KNL1: variants seen among roughly 807,000 people sequenced by gnomAD.
The protein encoded by KNL1 is outer kinetochore KNL1 complex subunit KNL1.
KNL1 carries 66 observed loss-of-function variants against 201.3 expected under a neutral mutation model. That is an observed-to-expected ratio of 0.33 (90% CI 0.27 to 0.40). KNL1 has a LOEUF of 0.40. KNL1 is among the 10% of genes least tolerant of loss of function. The pLI is 1.00. For synonymous variants in KNL1, 895 were observed against 899.2 expected (o/e 1.00, Z 0.08); for missense variants, 2,815 against 2,690.5 (o/e 1.05, Z -1.02).
chr15:40,649,812 TG>T lies in KNL1; in HGVS notation c.6095-488del, dbSNP rs960923649. On this transcript the variant is annotated intron_variant, in intron 17 of 25. Coordinates refer to ENST00000399668, the MANE Select transcript of KNL1 (RefSeq NM_144508.5). ...GCTACTACATACTACGTTCTCTTTC[TG>T]TTTTTCACCAAAGAAAGTAGTCTCT... Among the ~76,000 whole-genome samples the T allele has an allele frequency of 1.6e-4, 25 of 152,358 alleles. 2 individuals carry two copies. The East Asian group carries it at 1.9e-3, about 12-fold the overall frequency.
rs772991576 is a variant in KNL1, at chr15:40,623,101, T to C, written c.2837T>C (p.Val946Ala). The C allele has an allele frequency of 1.2e-6, 2 of 1,613,854 alleles. No individual in the cohort carries two copies. Among genetic ancestry groups the C allele is most frequent in the East Asian group, 2.2e-5 (1 of 44,868 alleles). The part of the protein sequence containing the change: ...TRPMDKTVVF[V>A]DNHVELEMTE... ...CCTATGGACAAAACTGTAGTGTTTG[T>C]AGATAATCATGTTGAACTAGAAATG... The change falls in exon 10 of 26, where the codon GTA becomes GCA. Residue 946 changes from valine (V) to alanine (A), a missense_variant. By Grantham distance (64) the Val-to-Ala change is moderately conservative (BLOSUM62 0). Coordinates refer to ENST00000399668, the MANE Select transcript of KNL1 (RefSeq NM_144508.5).
chr15:40,635,801 C>G (rs141975543), intron 13 of KNL1, among the ~76,000 whole-genome samples: 27 of 152,322 alleles, frequency 1.8e-4, no homozygotes, highest in African/African-American at 6.0e-4. Context: ...CCCCTGCATG[C>G]TCATGTAGTG....
intron 13 of KNL1, among the ~76,000 whole-genome samples, chr15:40,630,467 C>T (rs1231746526): frequency 6.6e-6 from 1 of 152,110 alleles, no homozygotes; most frequent in Non-Finnish European, 1.5e-5. Flanking sequence ...ATCCCCAACC[C>T]CTGGGGTTAG....
At chr15:40,635,866 T>C (rs1308078964) in intron 13 of KNL1, among the ~76,000 whole-genome samples, 3 of 152,106 alleles carry the variant, frequency 2.0e-5, no homozygotes, top group Non-Finnish European at 4.4e-5. Flanking sequence ...GGATCTGTTT[T>C]TGTTTTTTGT....
Position 40,622,761 on chromosome 15 carries a change from G to C in KNL1, c.2497G>C (p.Val833Leu). 6.2e-7 allele frequency: 1 copy of C among 1,610,308 alleles called. No homozygotes were observed. The highest frequency in any genetic ancestry group is 8.5e-7 in the Non-Finnish European group (1 of 1,178,582). Reference sequence around the variant, plus strand: ...TATGGATGTGTTAGAGGACGAAAGTGTACAGAAACCTAAATTTCCAAAGGA... The same window carrying C: ...TATGGATGTGTTAGAGGACGAAAGTCTACAGAAACCTAAATTTCCAAAGGA... ...CIMDVLEDES[V>L]QKPKFPKEKQ... is the part of the protein sequence containing the mutation. The change falls in exon 10 of 26, where the codon GTA (valine) becomes CTA (leucine). Residue 833 changes from valine to leucine, a missense_variant. Transcript: ENST00000399668.
At chr15:40,618,917 T>G (rs777717054) in intron 8 of KNL1, 42 bp from the exon 9 acceptor site, 12 of 1,297,798 alleles carry the variant, frequency 9.2e-6, no homozygotes, top group Non-Finnish European at 7.8e-6. Flanking sequence ...TCAGGCTCAG[T>G]GTTATATTTT....
At chr15:40,611,256 A>C (rs1271514722) in intron 6 of KNL1, among the ~76,000 whole-genome samples, 1 of 150,922 alleles carries the variant, frequency 6.6e-6, no homozygotes, top group South Asian at 2.1e-4. Context: ...TTACATGTGC[A>C]CGCCACCACA....
At chr15:40,638,611 C>A (rs1468375165) in intron 13 of KNL1, among the ~76,000 whole-genome samples, 1 of 151,788 alleles carries the variant, frequency 6.6e-6, no homozygotes, top group Non-Finnish European at 1.5e-5. Context: ...CTCGCCTCAG[C>A]CCCCCAAGTA....
intron 7 of KNL1, among the ~76,000 whole-genome samples, chr15:40,613,330 A>G (rs1403184994): frequency 2.0e-5 from 3 of 152,200 alleles, no homozygotes; most frequent in Non-Finnish European, 2.9e-5. Flanking sequence ...ATATATATGC[A>G]TAATATCTCT....
rs750756074 is a variant in KNL1 at position 40,622,169 on chromosome 15, C to T, written c.1905C>T (p.Thr635=). The change falls in exon 10 of 26, where the codon ACC becomes ACT. Residue 635 remains threonine, a synonymous_variant. Transcript: ENST00000399668. ...RSDIIAKNSL[T]DTWNKDKDWV... Reference sequence around the variant, plus strand: ...ACATAATAGCCAAAAACAGCTTAACCGACACCTGGAACAAAGACAAAGATT... The same window carrying T: ...ACATAATAGCCAAAAACAGCTTAACTGACACCTGGAACAAAGACAAAGATT... The T allele has an allele frequency of 1.2e-5, 20 of 1,614,052 alleles. No homozygotes were observed. The highest frequency in any genetic ancestry group is 8.9e-5 in the East Asian group (4 of 44,876).
chr15:40,638,841 C>T (rs1446365261), intron 13 of KNL1, among the ~76,000 whole-genome samples: 4 of 140,772 alleles, frequency 2.8e-5, no homozygotes, highest in Non-Finnish European at 6.1e-5. Context: ...GACGCAGTTT[C>T]GCTCTTGTTG....
At chr15:40,597,548 T>A (rs1891655807) in intron 1 of KNL1, among the ~76,000 whole-genome samples, 1 of 152,194 alleles carries the variant, frequency 6.6e-6, no homozygotes, top group Non-Finnish European at 1.5e-5. Flanking sequence ...GTGCTGAGAT[T>A]ACAGGCTTGA....
chr15:40,648,326 G>C (rs1893455869), intron 17 of KNL1, among the ~76,000 whole-genome samples: 1 of 152,250 alleles, frequency 6.6e-6, no homozygotes, highest in African/African-American at 2.4e-5. Context: ...TAGCTACTTG[G>C]GAGGCTGAGG....
At chr15:40,635,094 G>T (rs925429510) in intron 13 of KNL1, among the ~76,000 whole-genome samples, 1 of 151,268 alleles carries the variant, frequency 6.6e-6, no homozygotes, top group Non-Finnish European at 1.5e-5. Context: ...TGTCATCCAG[G>T]CTGGAGTGCA....
chr15:40,640,089 TTTTCTTTTC>T (rs1893180152), intron 13 of KNL1, among the ~76,000 whole-genome samples: 1 of 150,224 alleles, frequency 6.7e-6, no homozygotes, highest in East Asian at 1.9e-4. Context: ...TTTTTTCTTT[TTTTCTTTTC>T]TTTTTTTTTT....
chr15:40,622,675 A>C lies in KNL1; in HGVS notation c.2411A>C (p.Lys804Thr), dbSNP rs904399894. The C allele has an allele frequency of 4.4e-6, 7 of 1,590,174 alleles. No homozygotes were observed. The African/African-American group carries it at 9.5e-5, about 22-fold the overall frequency. ...LTTMNRQIAV[K>T]VEKCGKSPIE... ...ACAATGAACAGACAGATAGCTGTAAAAGTTGAAAAATGTGGTAAAAGTCCC... is the reference window on the plus strand; with the variant it reads ...ACAATGAACAGACAGATAGCTGTAACAGTTGAAAAATGTGGTAAAAGTCCC... Residue 804 changes from lysine to threonine, a missense_variant, in exon 10 of 26, where the codon AAA (lysine) becomes ACA (threonine). Coordinates refer to ENST00000399668, the MANE Select transcript of KNL1 (RefSeq NM_144508.5).
rs1369374240 is a variant in KNL1, at chr15:40,648,412, A to G, written c.6094+1338A>G. Among the ~76,000 whole-genome samples the G allele has an allele frequency of 1.3e-5, 2 of 151,182 alleles. 1 individual carries two copies. Among genetic ancestry groups the G allele is most frequent in the East Asian group, 3.8e-4 (2 of 5,200 alleles). ...ACACCACTGCACTCCAGCCTGTGCA[A>G]CAGAGCAAACTAAATAAATAAATTT... is the stretch of plus-strand genomic sequence containing the variant. On this transcript the variant is annotated intron_variant, in intron 17 of 25. Transcript: ENST00000399668.
intron 13 of KNL1, among the ~76,000 whole-genome samples, chr15:40,635,559 G>A (rs564986421): frequency 1.3e-4 from 20 of 151,902 alleles, no homozygotes; most frequent in Admixed American, 1.2e-3. Context: ...TCCCCGTGTT[G>A]GTCAGGCTGG....
At position 40,621,236 on chromosome 15, in the gene KNL1, C is replaced by T; in HGVS notation, c.972C>T (p.Asn324=). 1.2e-6 allele frequency: 2 copies of T among 1,613,090 alleles called. No individual in the cohort carries two copies. Among genetic ancestry groups the T allele is most frequent in the South Asian group, 2.2e-5 (2 of 90,964 alleles). ...ATGACTTTATGGACTTGACATTTAA[C>T]CACACTTTGCAGATCTTACCTGCAA... The part of the protein sequence containing the change: ...YGNDFMDLTF[N]HTLQILPATG... Residue 324 remains asparagine, a synonymous_variant, in exon 10 of 26, where the codon AAC becomes AAT. Transcript: ENST00000399668.
Sources: allele counts gnomAD v4.1 joint callset (sites outside exome capture counted in the v4.1 genomes callset), GRCh38; gene constraint gnomAD v4.1.1; transcripts MANE v1.5; gene names NCBI Gene and HGNC (gene_info 2026-07-23, HGNC 2026-07-21).